The following CA2 variants were observed in gnomAD, a reference collection of about 807,000 sequenced individuals.
The protein encoded by CA2 is carbonic anhydrase 2.
A neutral mutation model predicts 27.8 loss-of-function variants in CA2; 23 were observed. The observed-to-expected ratio is 0.83, with a 90% confidence interval of 0.59 to 1.17. The LOEUF (loss-of-function observed/expected upper bound fraction) is 1.17. Among genes scored for constraint, CA2 ranks in the 50% most tolerant of loss-of-function variants. The pLI, the probability that CA2 is intolerant of heterozygous loss-of-function variation, is 0.00. For missense variants in CA2, 300 were observed against 314.7 expected (o/e 0.95, Z 0.35); for synonymous variants, 99 against 114.9 (o/e 0.86, Z 0.88).
At chr8:85,477,004 T>A (rs1469065188) in intron 5 of CA2, 116 bp from the exon 6 acceptor site, 3 of 978,362 alleles carry the variant, frequency 3.1e-6, no homozygotes, top group Non-Finnish European at 5.0e-6. Flanking sequence ...ACCTCTTTTT[T>A]AAAAAGTGTT....
chr8:85,477,387 T>G, intron 6 of CA2, 112 bp downstream of exon 6: 1 of 1,223,602 alleles, frequency 8.2e-7, no homozygotes, highest in Non-Finnish European at 1.2e-6. Context: ...CTGCTACTTC[T>G]TGCTATGGAA....
rs1012555921 is a variant in CA2, at chr8:85,474,053, T to C, written c.351+242T>C. 14 of 605,792 alleles carry C rather than the reference T, an allele frequency of 2.3e-5. No individual in the cohort carries two copies. In the African/African-American group the frequency reaches 2.4e-4, roughly 10 times the overall value. The allele number at this position is 605,792 out of a possible 1,614,324, so 37.5% of individuals were successfully genotyped here. A position where few individuals can be genotyped will look rare whatever the true frequency, so the allele number is the denominator to read the frequency against. On this transcript the variant is annotated intron_variant, in intron 3 of 6. Transcript: ENST00000285379. The stretch of plus-strand genomic sequence containing the variant: ...AAGTAAACGGACTCAAACTGGAGGA[T>C]CCTGTTTTAACAGAAATTTAGAAAT...
chr8:85,464,170 C>A (rs1811580408), intron 1 of CA2, 55 bp downstream of exon 1: 3 of 1,483,150 alleles, frequency 2.0e-6, no homozygotes, highest in Non-Finnish European at 2.7e-6. Flanking sequence ...TCCCCGATCC[C>A]CGATCCCCGA....
chr8:85,475,898 A>G lies in CA2; in HGVS notation c.507+38A>G, dbSNP rs1260436084. The G allele has an allele frequency of 3.3e-6, 5 of 1,510,426 alleles. No homozygotes were observed. In the Admixed American group the frequency reaches 8.4e-5, roughly 25 times the overall value. The allele number at this position is 1,510,426 out of a possible 1,614,324, so 93.6% of individuals were successfully genotyped here. On this transcript the variant is annotated intron_variant, in intron 5 of 6. Coordinates refer to ENST00000285379, the MANE Select transcript of CA2 (RefSeq NM_000067.3). Reference sequence around the variant, plus strand: ...TTTCTGCCACCTCCTTAGGGTACCAATTTTCAATACTCCATTGGTTTTAGA... The same window carrying G: ...TTTCTGCCACCTCCTTAGGGTACCAGTTTTCAATACTCCATTGGTTTTAGA...
intron 6 of CA2, among the ~76,000 whole-genome samples, chr8:85,478,527 T>A (rs761304435): frequency 6.6e-6 from 1 of 152,158 alleles, no homozygotes; most frequent in Non-Finnish European, 1.5e-5. Context: ...AAAGCAATAG[T>A]CTGACATTTA....
rs575405210 is a variant in CA2 at position 85,475,598 on chromosome 8, G to C, written c.445-200G>C. ...CAGGACTACTCTCTGAGTGGAATTA[G>C]AGGCGAGTTGAAGATTCAGTGAAAG... On this transcript the variant is annotated intron_variant, in intron 4 of 6. Coordinates refer to ENST00000285379, the MANE Select transcript of CA2 (RefSeq NM_000067.3). 5.9e-5 allele frequency among the ~76,000 whole-genome samples: 9 copies of C among 152,196 alleles called. No homozygotes were observed. The East Asian group carries it at 1.5e-3, about 26-fold the overall frequency.
rs746209637 is a variant in CA2 at position 85,481,132 on chromosome 8, A to C, written c.*343A>C. The C allele has an allele frequency of 1.7e-5, 5 of 289,298 alleles. No homozygotes were observed. The highest frequency in any genetic ancestry group is 3.4e-5 in the Non-Finnish European group (5 of 148,990). The allele number at this position is 289,298 out of a possible 1,614,324, so 17.9% of individuals were successfully genotyped here. On this transcript the variant is annotated 3_prime_UTR_variant, in exon 7 of 7. Transcript: ENST00000285379. Reference sequence around the variant, plus strand: ...TAAAATGCTGCTTTTAAAACATAGGAAAGTAGAATGGTTGAGTGCAAATCC... The same window carrying C: ...TAAAATGCTGCTTTTAAAACATAGGCAAGTAGAATGGTTGAGTGCAAATCC...
intron 6 of CA2, among the ~76,000 whole-genome samples, chr8:85,479,400 A>G (rs771218113): frequency 1.3e-5 from 2 of 152,314 alleles, no homozygotes; most frequent in African/African-American, 2.4e-5. Flanking sequence ...TTCAGTAACC[A>G]TAGCTGTGCA....
intron 6 of CA2, among the ~76,000 whole-genome samples, chr8:85,479,668 A>T (rs1352365959): frequency 6.6e-6 from 1 of 152,182 alleles, no homozygotes; most frequent in African/African-American, 2.4e-5. Context: ...TTATAAGGGA[A>T]TAAAAATCAA....
chr8:85,466,463 T>A (rs1811632595), intron 2 of CA2, among the ~76,000 whole-genome samples: 1 of 152,130 alleles, frequency 6.6e-6, no homozygotes, highest in Non-Finnish European at 1.5e-5. Context: ...GACTATTCTT[T>A]GTCAGCAGCT....
intron 6 of CA2, among the ~76,000 whole-genome samples, chr8:85,479,392 C>T (rs1191680571): frequency 6.6e-6 from 1 of 152,154 alleles, no homozygotes; most frequent in African/African-American, 2.4e-5. Context: ...CCCTTGCATT[C>T]AGTAACCATA....
chr8:85,470,493 C>T (rs1393694367), intron 2 of CA2, among the ~76,000 whole-genome samples: 2 of 151,936 alleles, frequency 1.3e-5, no homozygotes, highest in African/African-American at 2.4e-5. Context: ...ACATTCATTA[C>T]GGTCTTTAGT....
chr8:85,476,997 T>A (rs1811810871), intron 5 of CA2, 123 bp from the exon 6 acceptor site: 1 of 902,858 alleles, frequency 1.1e-6, no homozygotes, highest in Non-Finnish European at 1.9e-6. Context: ...ATATAGAACC[T>A]CTTTTTTAAA....
At chr8:85,473,387 A>G in intron 2 of CA2, 1 of 494,970 alleles carries the variant, frequency 2.0e-6, no homozygotes, top group Non-Finnish European at 3.9e-6. Flanking sequence ...AAACAAACCC[A>G]GAAAAAGGAA....
rs769398095 is a variant in CA2, at chr8:85,464,098, G to A, written c.17G>A (p.Gly6Glu). 1.3e-6 allele frequency: 2 copies of A among 1,547,780 alleles called. No individual in the cohort carries two copies. Among genetic ancestry groups the A allele is most frequent in the African/African-American group, 1.4e-5 (1 of 72,230 alleles). ...AGCGCGACCATGTCCCATCACTGGG[G>A]GTACGGCAAACACAACGGTGAGTGC... MSHHW[G>E]YGKHNGPEHW... Residue 6 changes from glycine (G) to glutamate (E), a missense_variant, in exon 1 of 7, where the codon GGG becomes GAG. Around this residue, in one of 3 missense-constraint regions of CA2, gnomAD observed 122 missense variants for 133.2 expected, o/e 0.92. Transcript: ENST00000285379.
chr8:85,480,468 G>T (rs1480092028), intron 6 of CA2, among the ~76,000 whole-genome samples: 2 of 150,910 alleles, frequency 1.3e-5, no homozygotes, highest in Non-Finnish European at 3.0e-5. Context: ...TAGAGACAGG[G>T]TTTCACCATG....
chr8:85,465,828 G>T (rs937255666), intron 2 of CA2, among the ~76,000 whole-genome samples: 1 of 152,198 alleles, frequency 6.6e-6, no homozygotes, highest in East Asian at 1.9e-4. Flanking sequence ...TTGTCTTGCA[G>T]AGCTGATGCA....
At chr8:85,471,133 G>T (rs1230389562) in intron 2 of CA2, among the ~76,000 whole-genome samples, 1 of 152,086 alleles carries the variant, frequency 6.6e-6, no homozygotes, top group Non-Finnish European at 1.5e-5. Context: ...CAAATAAAAA[G>T]TTTGAGTTTA....
At chr8:85,465,549 C>A in intron 2 of CA2, 80 bp downstream of exon 2, 1 of 1,093,466 alleles carries the variant, frequency 9.1e-7, no homozygotes, top group Non-Finnish European at 1.4e-6. Context: ...GGAACAGTGG[C>A]AGGAACCCTC....
Sources: allele counts gnomAD v4.1 joint callset (sites outside exome capture counted in the v4.1 genomes callset), GRCh38; gene constraint gnomAD v4.1.1; regional missense constraint gnomAD v4.1.1; transcripts MANE v1.5; gene names NCBI Gene and HGNC (gene_info 2026-07-23, HGNC 2026-07-21).